SGCD: variants seen among roughly 807,000 people sequenced by gnomAD.
The protein encoded by SGCD is sarcoglycan delta, also known as delta-sarcoglycan.
A neutral mutation model predicts 36.6 loss-of-function variants in SGCD; 18 were observed. That is an observed-to-expected ratio of 0.49 (90% CI 0.34 to 0.73). SGCD has a LOEUF of 0.73. SGCD is among the 30% of genes least tolerant of loss of function. The probability of loss-of-function intolerance (pLI) is 0.01; values close to 1 mark genes in which losing one functional copy is unlikely to be tolerated. For missense variants in SGCD, 387 were observed against 346.7 expected (o/e 1.12, Z -0.92); for synonymous variants, 133 against 130.6 (o/e 1.02, Z -0.12).
At chr5:155,775,338 A>G in the SGCD span, among the ~76,000 whole-genome samples, 1 of 152,130 alleles carries the variant, frequency 6.6e-6, no homozygotes, top group Non-Finnish European at 1.5e-5. Flanking sequence ...CATAGAGCAC[A>G]TAACACACCT....
intron 6 of SGCD, among the ~76,000 whole-genome samples, chr5:156,638,971 A>T (rs553728678): frequency 7.9e-5 from 12 of 152,020 alleles, no homozygotes; most frequent in Non-Finnish European, 1.6e-4. Context: ...TTAACCTTCA[A>T]ATTATTGAAT....
At chr5:155,731,783 C>A in the SGCD span, among the ~76,000 whole-genome samples, 1 of 152,126 alleles carries the variant, frequency 6.6e-6, no homozygotes, top group Non-Finnish European at 1.5e-5. Flanking sequence ...GGACCCACTC[C>A]CCTGGGAGCC....
At chr5:156,528,399 A>T (rs953109540) in intron 4 of SGCD, among the ~76,000 whole-genome samples, 6 of 152,150 alleles carry the variant, frequency 3.9e-5, no homozygotes, top group African/African-American at 1.4e-4. Flanking sequence ...TAATACTATT[A>T]TCTTTTTTTG....
intron 4 of SGCD, among the ~76,000 whole-genome samples, chr5:156,549,396 T>C (rs1758704840): frequency 6.6e-6 from 1 of 152,228 alleles, no homozygotes; most frequent in Admixed American, 6.5e-5. Context: ...TTGAACATAC[T>C]TGGCTGCAAA....
chr5:156,205,583 CTG>C, intron 3 of SGCD, among the ~76,000 whole-genome samples: 1 of 152,062 alleles, frequency 6.6e-6, no homozygotes, highest in Admixed American at 6.6e-5. Flanking sequence ...TTTTTAGTGT[CTG>C]TGAGTTTTCC....
At chr5:156,113,603 G>C (rs963007215) in intron 1 of SGCD, among the ~76,000 whole-genome samples, 2 of 152,188 alleles carry the variant, frequency 1.3e-5, no homozygotes, top group African/African-American at 4.8e-5. Context: ...CAGTTTGGCA[G>C]TTTCTTACAA....
At chr5:156,021,507 T>G (rs1759097148) in intron 1 of SGCD, among the ~76,000 whole-genome samples, 1 of 152,124 alleles carries the variant, frequency 6.6e-6, no homozygotes, top group South Asian at 2.1e-4. Flanking sequence ...GCAACAGAGT[T>G]AGAGCCTGTC....
chr5:156,184,592 G>T (rs1028716341), intron 3 of SGCD, among the ~76,000 whole-genome samples: 1 of 152,146 alleles, frequency 6.6e-6, no homozygotes, highest in South Asian at 2.1e-4. Flanking sequence ...AACACCTAAA[G>T]TAAGGAGTGT....
chr5:156,116,049 G>A (rs2127600953), intron 1 of SGCD, among the ~76,000 whole-genome samples: 1 of 152,096 alleles, frequency 6.6e-6, no homozygotes, highest in South Asian at 2.1e-4. Flanking sequence ...ACAAAACTTT[G>A]ATCTTAAAAT....
At chr5:156,332,790 C>T (rs542066618) in intron 2 of SGCD, among the ~76,000 whole-genome samples, 24 of 152,226 alleles carry the variant, frequency 1.6e-4, no homozygotes, top group African/African-American at 5.3e-4. Context: ...TACTCACAAT[C>T]TCTGGGGAAG....
chr5:155,860,314 A>C, the SGCD span, among the ~76,000 whole-genome samples: 3,204 of 152,316 alleles, frequency 0.021, 117 homozygotes, highest in African/African-American at 0.072. Context: ...CCTGCTTTTA[A>C]CTGACAATCC....
intron 3 of SGCD, among the ~76,000 whole-genome samples, chr5:156,442,771 A>G (rs1401258911): frequency 3.9e-5 from 6 of 152,358 alleles, no homozygotes; most frequent in Admixed American, 1.3e-4. Flanking sequence ...TGTATCAGGT[A>G]CCATGGAATG....
intron 3 of SGCD, among the ~76,000 whole-genome samples, chr5:156,307,120 C>T (rs1235403307): frequency 1.3e-5 from 2 of 150,428 alleles, no homozygotes; most frequent in Non-Finnish European, 2.9e-5. Flanking sequence ...CAGATAACTG[C>T]AGGCTCAACT....
At chr5:155,932,010 G>A (rs1757105701) in intron 1 of SGCD, among the ~76,000 whole-genome samples, 1 of 152,032 alleles carries the variant, frequency 6.6e-6, no homozygotes, top group African/African-American at 2.4e-5. Context: ...CTATTGTAAG[G>A]GCACTAATCC....
intron 3 of SGCD, among the ~76,000 whole-genome samples, chr5:156,141,168 C>G (rs560866862): frequency 2.0e-5 from 3 of 152,188 alleles, no homozygotes; most frequent in African/African-American, 7.2e-5. Context: ...CTGCCTCTAC[C>G]TAAATTTCAA....
chr5:156,369,770 A>G (rs1418746036), intron 3 of SGCD, among the ~76,000 whole-genome samples: 1 of 152,162 alleles, frequency 6.6e-6, no homozygotes, highest in Non-Finnish European at 1.5e-5. Context: ...TTTAATAGAC[A>G]TTGGGGGTTT....
chr5:155,849,068 T>C, the SGCD span, among the ~76,000 whole-genome samples: 1 of 152,164 alleles, frequency 6.6e-6, no homozygotes, highest in African/African-American at 2.4e-5. Context: ...GGCATCACAC[T>C]TTTTGTAATG....
At chr5:156,579,814 C>T (rs1057247654) in intron 4 of SGCD, among the ~76,000 whole-genome samples, 3 of 152,070 alleles carry the variant, frequency 2.0e-5, no homozygotes, top group Non-Finnish European at 2.9e-5. Flanking sequence ...TGTCTGTGCA[C>T]GTGAGGTGGG....
At chr5:155,759,117 C>T in the SGCD span, among the ~76,000 whole-genome samples, 7 of 152,162 alleles carry the variant, frequency 4.6e-5, no homozygotes, top group East Asian at 1.4e-3. Context: ...ACTAGGATTA[C>T]AGGCATGAGC....
Sources: gnomAD v4.1 joint callset for allele counts (sites outside exome capture counted in the v4.1 genomes callset) on GRCh38, gnomAD v4.1.1 for gene constraint, MANE v1.5 for transcripts, NCBI Gene and HGNC (gene_info 2026-07-23, HGNC 2026-07-21) for gene names.